The following NAPA variants were observed in gnomAD, a reference collection of about 807,000 sequenced individuals.
The protein encoded by NAPA is NSF attachment protein alpha.
A neutral mutation model predicts 48.0 loss-of-function variants in NAPA; 18 were observed. That is an observed-to-expected ratio of 0.38 (90% CI 0.26 to 0.56). The LOEUF is 0.56. NAPA is among the 20% of genes least tolerant of loss of function. NAPA has a pLI of 0.77. For synonymous variants in NAPA, 152 were observed against 149.9 expected, an observed-to-expected ratio of 1.01 and a Z score of -0.10; for missense variants, 315 against 385.0, an observed-to-expected ratio of 0.82 and a Z score of 1.52.
At chr19:47,490,136 CGT>C (rs1968202701) in intron 9 of NAPA, among the ~76,000 whole-genome samples, 1 of 126,058 alleles carries the variant, frequency 7.9e-6, no homozygotes, top group Admixed American at 8.0e-5. Context: ...TGTTGAGTTG[CGT>C]GTGTGGTGTG....
chr19:47,499,876 T>C (rs551061743), intron 3 of NAPA, among the ~76,000 whole-genome samples: 1 of 152,382 alleles, frequency 6.6e-6, no homozygotes, highest in Admixed American at 6.5e-5. Context: ...AAGATTCATA[T>C]ATTTTCCATT....
At chr19:47,485,314 T>A (rs552297432), downstream of NAPA, among the ~76,000 whole-genome samples, 2 of 152,330 alleles carry the variant, frequency 1.3e-5, no homozygotes, top group South Asian at 4.1e-4. Context: ...TTAGAGAGAA[T>A]CAAATGGAGG....
At chr19:47,494,947 C>T (rs1388777399) in intron 4 of NAPA, 1 of 153,094 alleles carries the variant, frequency 6.5e-6, no homozygotes, top group Non-Finnish European at 1.5e-5. Context: ...TCAAATGTGA[C>T]ACTTGCGGGA....
In NAPA at chr19:47,509,563, C is replaced by T. The variant is rs1035968624; in HGVS notation, c.98+5280G>A. Among the ~76,000 whole-genome samples, 11 of 152,262 alleles carry T rather than the reference C, an allele frequency of 7.2e-5. No individual in the cohort carries two copies. The South Asian group carries it at 8.3e-4, about 11-fold the overall frequency. On this transcript the variant is annotated intron_variant, in intron 1 of 10. Coordinates refer to ENST00000263354, the MANE Select transcript of NAPA (RefSeq NM_003827.4). ...GGCCACACCACGGGCGTTCAGTAAA[C>T]GAGAGCATCCCTCTCATCAGGCCCC...
rs776170272 is a variant in NAPA, at chr19:47,489,712, G to A, written c.785C>T (p.Ser262Leu). Residue 262 changes from serine to leucine, a missense_variant and splice_region_variant, in exon 10 of 11, where the codon TCG becomes TTG. By Grantham distance (145) the Ser-to-Leu change is moderately radical. Transcript: ENST00000263354. ...EEQNVDSYTE[S>L]VKEYDSISRL... ...TGGCCCCCCATGCTGGCCACTCACCGACTCGGTGTAGCTGTCCACATTCTG... is the reference window on the plus strand; with the variant it reads ...TGGCCCCCCATGCTGGCCACTCACCAACTCGGTGTAGCTGTCCACATTCTG... 3 of 1,614,048 alleles carry A rather than the reference G, an allele frequency of 1.9e-6. No homozygotes were observed. Among genetic ancestry groups the A allele is most frequent in the Non-Finnish European group, 1.7e-6 (2 of 1,179,976 alleles).
intron 7 of NAPA, chr19:47,492,362 T>TCGTGGG (rs1331349820): frequency 2.0e-6 from 1 of 512,742 alleles, no homozygotes; most frequent in African/African-American, 1.9e-5. Flanking sequence ...AGCCAGGTGT[T>TCGTGGG]CGTGGGCCTT....
In NAPA at chr19:47,487,712, A is replaced by T; in HGVS notation, c.*576T>A. On this transcript the variant is annotated 3_prime_UTR_variant, in exon 11 of 11. Transcript: ENST00000263354. ...CCAACCAAGAAAACCTCAAAGCATT[A>T]GGGAAGGAGCAGGTGTGGGGCTGGG... 1 of 152,276 alleles carries T rather than the reference A, an allele frequency of 6.6e-6. No individual in the cohort carries two copies. Among genetic ancestry groups the T allele is most frequent in the Non-Finnish European group, 1.5e-5 (1 of 68,212 alleles). 9.4% of individuals were successfully genotyped at this position (152,276 alleles called of 1,614,324 possible). A position where few individuals can be genotyped will look rare whatever the true frequency, so the allele number is the denominator to read the frequency against.
chr19:47,496,284 G>A (rs1287495627), intron 3 of NAPA: 1 of 152,748 alleles, frequency 6.5e-6, no homozygotes, highest in Non-Finnish European at 1.5e-5. Flanking sequence ...CTCCTCAAAG[G>A]TTTTGCCAAA....
chr19:47,499,174 A>T (rs1968509984), intron 3 of NAPA, among the ~76,000 whole-genome samples: 2 of 152,220 alleles, frequency 1.3e-5, no homozygotes, highest in Non-Finnish European at 2.9e-5. Context: ...AACGCAGGGG[A>T]GGGACCCCAC....
downstream of NAPA, among the ~76,000 whole-genome samples, chr19:47,485,613 C>A (rs1968049438): frequency 2.0e-5 from 3 of 152,178 alleles, no homozygotes; most frequent in Non-Finnish European, 4.4e-5. Flanking sequence ...GAACACAAGG[C>A]CTGACACAAA....
chr19:47,495,986 T>G, intron 3 of NAPA: 1 of 202,510 alleles, frequency 4.9e-6, no homozygotes. Flanking sequence ...CTTGAAGGAC[T>G]GAGCTGCTGG....
At position 47,492,020 on chromosome 19, in the gene NAPA, C is replaced by T. The variant is rs1249178499; in HGVS notation, c.661G>A (p.Ala221Thr). 8.7e-6 allele frequency: 14 copies of T among 1,613,598 alleles called. No individual in the cohort carries two copies. Among genetic ancestry groups the T allele is most frequent in the East Asian group, 2.2e-5 (1 of 44,880 alleles). The change falls in exon 8 of 11, where the codon GCC becomes ACC. Residue 221 changes from alanine to threonine, a missense_variant. Ala to Thr is a moderately conservative substitution (Grantham distance 58). Around this residue, in one of 3 missense-constraint regions of NAPA, gnomAD observed 137 missense variants for 150.1 expected, o/e 0.91. Coordinates refer to ENST00000263354, the MANE Select transcript of NAPA (RefSeq NM_003827.4). ...LCHFCIDMLN[A>T]KLAVQKYEEL... is the part of the protein sequence containing the mutation. ...GCGGGCGTGGGGTGTGCTACCTTGG[C>T]GTTGAGCATGTCGATGCAGAAGTGG...
At chr19:47,499,200 G>C (rs979491498) in intron 3 of NAPA, among the ~76,000 whole-genome samples, 6 of 152,234 alleles carry the variant, frequency 3.9e-5, no homozygotes, top group African/African-American at 1.2e-4. Flanking sequence ...CCCACTGCCA[G>C]GCAGGGCCTG....
chr19:47,493,110 G>T lies in NAPA; in HGVS notation c.476+9C>A, dbSNP rs761454131. ...CCTGCGGGGCTGGGGCAGGCAGGAAGGGGGCTACCTGTTGGACTCCTCGCC... is the reference window on the plus strand; with the variant it reads ...CCTGCGGGGCTGGGGCAGGCAGGAATGGGGCTACCTGTTGGACTCCTCGCC... On this transcript the variant is annotated intron_variant, in intron 6 of 10. Coordinates refer to ENST00000263354, the MANE Select transcript of NAPA (RefSeq NM_003827.4). The surrounding 1 kb of genome is among the most constrained non-coding windows in gnomAD (Gnocchi z 6.4). 5 of 1,613,874 alleles carry T rather than the reference G, an allele frequency of 3.1e-6. No individual in the cohort carries two copies. In the East Asian group the frequency reaches 1.1e-4, roughly 36 times the overall value.
In NAPA at chr19:47,491,981, G is replaced by A. The variant is rs770619391; in HGVS notation, c.666+34C>T. On this transcript the variant is annotated intron_variant, in intron 8 of 10. Transcript: ENST00000263354. ...CCTGGAGATAAGCACATGGTGGCCT[G>A]GTGCGGTGGTCCTGCGGGCGTGGGG... 4 of 1,579,154 alleles carry A rather than the reference G, an allele frequency of 2.5e-6. No homozygotes were observed. The South Asian group carries it at 4.4e-5, about 18-fold the overall frequency.
At chr19:47,488,513 G>C (rs560561185) in intron 10 of NAPA, 124 bp from the exon 11 acceptor site, 5 of 695,826 alleles carry the variant, frequency 7.2e-6, no homozygotes, top group African/African-American at 7.1e-5. Context: ...AGGAGGAGTA[G>C]AGGGAGGGCT....
chr19:47,493,475 C>A lies in NAPA; in HGVS notation c.361G>T (p.Ala121Ser). Reference sequence around the variant, plus strand: ...TCAGCAATGGAGATGTGGTGCTTGGCCGCAATCGTGAATCGGCCCTGGAGG... The same window carrying A: ...TCAGCAATGGAGATGTGGTGCTTGGACGCAATCGTGAATCGGCCCTGGAGG... The part of the protein sequence containing the change: ...YTDMGRFTIA[A>S]KHHISIAEIY... Residue 121 changes from alanine (A) to serine (S), a missense_variant, in exon 5 of 11, where the codon GCC (alanine) becomes TCC (serine). By Grantham distance (99) the Ala-to-Ser change is moderately conservative (BLOSUM62 1). This residue lies in a region of NAPA where 173 missense variants were observed against 213.5 expected (regional missense o/e 0.81). Transcript: ENST00000263354. The surrounding 1 kb of genome is among the most constrained non-coding windows in gnomAD (Gnocchi z 6.4). 1.9e-6 allele frequency: 3 copies of A among 1,613,976 alleles called. No homozygotes were observed. The highest frequency in any genetic ancestry group is 2.5e-6 in the Non-Finnish European group (3 of 1,179,972).
chr19:47,492,821 G>T, intron 7 of NAPA, 140 bp downstream of exon 7: 1 of 785,206 alleles, frequency 1.3e-6, no homozygotes. Flanking sequence ...GTGGGGGGAT[G>T]ACATGGCAAG....
intron 2 of NAPA, 111 bp downstream of exon 2, chr19:47,503,312 G>A: frequency 1.1e-6 from 1 of 950,462 alleles, no homozygotes; most frequent in South Asian, 1.3e-5. Flanking sequence ...TGCCGGAGAG[G>A]GCATACAAAG....
Sources: gnomAD v4.1 joint callset for allele counts (sites outside exome capture counted in the v4.1 genomes callset) on GRCh38, gnomAD v4.1.1 for gene constraint, gnomAD v4.1.1 regional missense constraint, Gnocchi (gnomAD v3.1) non-coding constraint, MANE v1.5 for transcripts, NCBI Gene and HGNC (gene_info 2026-07-23, HGNC 2026-07-21) for gene names.